ULK4: variants seen among roughly 807,000 people sequenced by gnomAD.
ULK4 encodes the protein inactive serine/threonine-protein kinase ULK4.
A neutral mutation model predicts 160.6 loss-of-function variants in ULK4; 133 were observed. The observed-to-expected ratio is 0.83, with a 90% CI of 0.72 to 0.96. ULK4 has a LOEUF of 0.96. Ranked by LOEUF, ULK4 falls within the 40% of genes least tolerant of loss-of-function variation. ULK4 has a pLI of 0.00. For synonymous variants in ULK4, 534 were observed against 539.8 expected, an observed-to-expected ratio of 0.99 and a Z score of 0.15; for missense variants, 1,580 against 1,499.5, an observed-to-expected ratio of 1.05 and a Z score of -0.89.
chr3:41,879,819 T>C (rs1365161808), intron 17 of ULK4, among the ~76,000 whole-genome samples: 3 of 152,118 alleles, frequency 2.0e-5, no homozygotes, highest in African/African-American at 7.2e-5. Context: ...CTAAAATGTC[T>C]GTTAATACTC....
At chr3:41,708,339 T>C (rs1284338200) in intron 25 of ULK4, among the ~76,000 whole-genome samples, 1 of 152,158 alleles carries the variant, frequency 6.6e-6, no homozygotes, top group Non-Finnish European at 1.5e-5. Flanking sequence ...ATATACACGA[T>C]GGAATTGTTT....
chr3:41,909,700 G>A (rs193167161), intron 11 of ULK4, among the ~76,000 whole-genome samples: 43 of 152,086 alleles, frequency 2.8e-4, no homozygotes, highest in African/African-American at 1.0e-3. Context: ...GGGCGACAGA[G>A]CAAGAGTCTG....
At chr3:41,888,944 T>C (rs545002791) in intron 16 of ULK4, among the ~76,000 whole-genome samples, 6 of 152,228 alleles carry the variant, frequency 3.9e-5, no homozygotes, top group African/African-American at 4.8e-5. Flanking sequence ...GGAGAGGCTA[T>C]TGGAGAAAGA....
chr3:41,766,087 G>A (rs1255704591), intron 21 of ULK4, among the ~76,000 whole-genome samples: 1 of 152,054 alleles, frequency 6.6e-6, no homozygotes, highest in Non-Finnish European at 1.5e-5. Context: ...TGGCCAAGAC[G>A]GTAAAACCCC....
intron 5 of ULK4, among the ~76,000 whole-genome samples, chr3:41,921,375 G>C (rs1422664200): frequency 6.6e-6 from 1 of 151,980 alleles, no homozygotes; most frequent in Non-Finnish European, 1.5e-5. Flanking sequence ...ATTTTGGGAG[G>C]CCGAGGCGAG....
intron 21 of ULK4, among the ~76,000 whole-genome samples, chr3:41,768,083 G>T (rs1023655098): frequency 2.6e-5 from 4 of 152,084 alleles, no homozygotes; most frequent in African/African-American, 9.7e-5. Flanking sequence ...ATTGTGAACT[G>T]CACATACGAG....
chr3:41,640,063 G>C (rs927785435), intron 30 of ULK4, among the ~76,000 whole-genome samples: 2 of 152,140 alleles, frequency 1.3e-5, no homozygotes, highest in African/African-American at 2.4e-5. Context: ...ATAAAAGCTT[G>C]TGATGGTTTG....
chr3:41,861,621 T>C (rs2042499055), intron 17 of ULK4, among the ~76,000 whole-genome samples: 1 of 152,118 alleles, frequency 6.6e-6, no homozygotes, highest in Admixed American at 6.5e-5. Context: ...TGCTTTGAGG[T>C]TGTCTTCTTT....
chr3:41,339,206 G>C (rs2080628868), intron 35 of ULK4, among the ~76,000 whole-genome samples: 1 of 151,962 alleles, frequency 6.6e-6, no homozygotes, highest in Admixed American at 6.6e-5. Flanking sequence ...CCAATCCCCT[G>C]GGTCTTTTTT....
intron 32 of ULK4, among the ~76,000 whole-genome samples, chr3:41,527,671 C>T (rs901829293): frequency 6.6e-6 from 1 of 152,158 alleles, no homozygotes; most frequent in Non-Finnish European, 1.5e-5. Flanking sequence ...CTTAATAGCA[C>T]CTTCCTATCT....
At chr3:41,302,519 T>C (rs2079819256) in intron 35 of ULK4, among the ~76,000 whole-genome samples, 2 of 152,304 alleles carry the variant, frequency 1.3e-5, no homozygotes, top group Middle Eastern at 3.4e-3. Context: ...CTCTGAATAA[T>C]CAAATCTGTG....
At chr3:41,388,915 G>A (rs996336591) in intron 35 of ULK4, among the ~76,000 whole-genome samples, 1 of 152,114 alleles carries the variant, frequency 6.6e-6, no homozygotes, top group African/African-American at 2.4e-5. Context: ...TGTGAAGAAA[G>A]TCATTGGTAG....
intron 36 of ULK4, among the ~76,000 whole-genome samples, chr3:41,248,263 C>T (rs894265792): frequency 1.3e-5 from 2 of 152,168 alleles, no homozygotes; most frequent in African/African-American, 4.8e-5. Context: ...TGGCATTTTG[C>T]ACAAGGCCAG....
At chr3:41,404,881 A>G (rs528908295) in intron 34 of ULK4, among the ~76,000 whole-genome samples, 2 of 152,288 alleles carry the variant, frequency 1.3e-5, no homozygotes, top group South Asian at 4.1e-4. Context: ...GAGTCAATAC[A>G]TTTCTGTTCA....
chr3:41,680,755 C>T (rs905713930), intron 29 of ULK4, among the ~76,000 whole-genome samples: 3 of 152,150 alleles, frequency 2.0e-5, no homozygotes, highest in East Asian at 1.9e-4. Flanking sequence ...ACCCAGACTG[C>T]GGCCCAGGCC....
chr3:41,370,607 G>C (rs1241892393), intron 35 of ULK4, among the ~76,000 whole-genome samples: 3 of 152,176 alleles, frequency 2.0e-5, no homozygotes, highest in African/African-American at 7.2e-5. Flanking sequence ...ACTGTGCCAC[G>C]AGCGACGGAG....
intron 32 of ULK4, among the ~76,000 whole-genome samples, chr3:41,543,254 G>A (rs1196743319): frequency 2.0e-5 from 3 of 152,060 alleles, no homozygotes; most frequent in Non-Finnish European, 4.4e-5. Context: ...CAGATGATTT[G>A]TGTCCTCAGT....
intron 17 of ULK4, chr3:41,882,386 T>C (rs1482877151): frequency 3.6e-5 from 24 of 658,780 alleles, no homozygotes; most frequent in Non-Finnish European, 6.0e-5. Context: ...GTGGTCGTAG[T>C]ATTCTTTTCT....
intron 29 of ULK4, among the ~76,000 whole-genome samples, chr3:41,677,203 C>A (rs1025889871): frequency 6.6e-6 from 1 of 151,870 alleles, no homozygotes; most frequent in Non-Finnish European, 1.5e-5. Context: ...GCCGGTGTAC[C>A]CAGCAGCCCC....
Sources: allele counts gnomAD v4.1 joint callset (sites outside exome capture counted in the v4.1 genomes callset), GRCh38; gene constraint gnomAD v4.1.1; transcripts MANE v1.5; gene names NCBI Gene and HGNC (gene_info 2026-07-23, HGNC 2026-07-21).